The following COL28A1 variants were observed in gnomAD, a reference collection of about 807,000 sequenced individuals.
COL28A1 encodes the protein collagen alpha-1(XXVIII) chain.
COL28A1 carries 161 observed loss-of-function variants against 150.2 expected under a neutral mutation model. The observed-to-expected ratio is 1.07, with a 90% CI of 0.94 to 1.22. COL28A1 has a LOEUF of 1.22. Ranked by LOEUF, COL28A1 falls within the 50% of genes most tolerant of loss-of-function variation. COL28A1 has a pLI of 0.00. For missense variants in COL28A1, 1,617 were observed against 1,388.3 expected (o/e 1.16, Z -2.62); for synonymous variants, 552 against 469.7 (o/e 1.18, Z -2.26).
rs1286219586 is a variant in COL28A1, at chr7:7,502,861, C to A, written c.1026+3153G>T. Reference sequence around the variant, plus strand: ...TACAGGCGCCCGCTACCACGCCCGGCTAATTTTTTGTATTTTTAGTAGAGA... The same window carrying A: ...TACAGGCGCCCGCTACCACGCCCGGATAATTTTTTGTATTTTTAGTAGAGA... On this transcript the variant is annotated intron_variant, in intron 11 of 34. Transcript: ENST00000399429. 2.1e-5 allele frequency among the ~76,000 whole-genome samples: 2 copies of A among 97,394 alleles called. 1 individual carries two copies. Among genetic ancestry groups the A allele is most frequent in the African/African-American group, 1.6e-4 (2 of 12,304 alleles). The allele number at this position is 97,394 out of a possible 152,430, so 63.9% of individuals were successfully genotyped here.
chr7:7,440,963 T>C, intron 20 of COL28A1, 102 bp from the exon 21 acceptor site: 1 of 648,650 alleles, frequency 1.5e-6, no homozygotes, highest in East Asian at 2.7e-5. Flanking sequence ...CTAATACCAA[T>C]TTTAAAGTGG....
chr7:7,388,403 T>C (rs923743005), intron 27 of COL28A1, among the ~76,000 whole-genome samples: 1 of 152,126 alleles, frequency 6.6e-6, no homozygotes, highest in Non-Finnish European at 1.5e-5. Flanking sequence ...CTTTATCCAG[T>C]CCATCATTAA....
intron 33 of COL28A1, among the ~76,000 whole-genome samples, chr7:7,363,644 T>C (rs1780783552): frequency 6.6e-6 from 1 of 152,196 alleles, no homozygotes; most frequent in South Asian, 2.1e-4. Context: ...GGTATATTTT[T>C]CCCTAGTCTT....
At chr7:7,388,347 CTTTT>C (rs1419294415) in intron 27 of COL28A1, among the ~76,000 whole-genome samples, 1 of 152,030 alleles carries the variant, frequency 6.6e-6, no homozygotes, top group South Asian at 2.1e-4. Context: ...TGAACTCATC[CTTTT>C]TTATGGCTGC....
At chr7:7,448,109 G>A (rs1369411182) in intron 18 of COL28A1, among the ~76,000 whole-genome samples, 2 of 152,110 alleles carry the variant, frequency 1.3e-5, no homozygotes, top group Non-Finnish European at 2.9e-5. Context: ...GAGTTCCTGA[G>A]GTGAGGAATT....
At chr7:7,445,652 A>C (rs1786197296) in intron 18 of COL28A1, among the ~76,000 whole-genome samples, 1 of 152,196 alleles carries the variant, frequency 6.6e-6, no homozygotes, top group Non-Finnish European at 1.5e-5. Flanking sequence ...CAGGAAAAAA[A>C]TATGCTACTT....
At chr7:7,476,109 A>G (rs1788854376) in intron 14 of COL28A1, among the ~76,000 whole-genome samples, 1 of 152,234 alleles carries the variant, frequency 6.6e-6, no homozygotes, top group South Asian at 2.1e-4. Context: ...TGAGAAGGCC[A>G]TATCTTAGTC....
At chr7:7,356,315 A>T (rs753100038), downstream of COL28A1, 1 of 152,226 alleles carries the variant, frequency 6.6e-6, no homozygotes, top group African/African-American at 2.4e-5. Context: ...GCACATTGAC[A>T]TGGTAAATAC....
rs1196772667 is a variant in COL28A1 at position 7,531,341 on chromosome 7, T to C, written c.681+7A>G. On this transcript the variant is annotated splice_region_variant and intron_variant, in intron 3 of 34. Transcript: ENST00000399429. The stretch of plus-strand genomic sequence containing the variant: ...ATAACTGTATAATCAACCCATTAGG[T>C]ACCTACCAGACGATCTTGAATTTTA... 1 of 1,274,502 alleles carries C rather than the reference T, an allele frequency of 7.8e-7. No homozygotes were observed. The highest frequency in any genetic ancestry group is 1.4e-5 in the South Asian group (1 of 72,456). 78.9% of individuals were successfully genotyped at this position (1,274,502 alleles called of 1,614,324 possible).
At chr7:7,474,529 A>C (rs1458605983) in intron 15 of COL28A1, 72 bp downstream of exon 15, 2 of 793,794 alleles carry the variant, frequency 2.5e-6, no homozygotes, top group Non-Finnish European at 4.4e-6. Context: ...TACAGTTCAG[A>C]AATGTACATA....
chr7:7,514,506 C>T (rs1413669111), intron 8 of COL28A1, among the ~76,000 whole-genome samples: 1 of 152,136 alleles, frequency 6.6e-6, no homozygotes, highest in East Asian at 1.9e-4. Context: ...TCTAACATTG[C>T]CAGCGATTAG....
chr7:7,437,498 A>G (rs1336651457), intron 21 of COL28A1, 36 bp from the exon 22 acceptor site: 10 of 1,602,434 alleles, frequency 6.2e-6, no homozygotes, highest in Admixed American at 1.7e-5. Flanking sequence ...CATTTCAAGC[A>G]GAGAAAGCAC....
chr7:7,490,986 TG>T (rs1318210789), intron 11 of COL28A1, among the ~76,000 whole-genome samples: 2 of 152,198 alleles, frequency 1.3e-5, no homozygotes, highest in Admixed American at 1.3e-4. Context: ...TTTTTTAATG[TG>T]TTTATGGAGG....
intron 3 of COL28A1, among the ~76,000 whole-genome samples, chr7:7,530,053 A>G (rs139041403): frequency 6.6e-6 from 1 of 152,350 alleles, no homozygotes; most frequent in East Asian, 1.9e-4. Context: ...GGCTGCTACC[A>G]AACTGTTTCA....
intron 33 of COL28A1, among the ~76,000 whole-genome samples, chr7:7,370,421 G>A (rs1490395074): frequency 6.6e-6 from 1 of 152,166 alleles, no homozygotes; most frequent in African/African-American, 2.4e-5. Context: ...AATTCAGAGT[G>A]TTGTGTTAAT....
chr7:7,351,695 A>G (rs7803643), downstream of COL28A1, among the ~76,000 whole-genome samples: 39,245 of 152,116 alleles, frequency 0.26, 9,834 homozygotes, highest in African/African-American at 0.66. Flanking sequence ...TGATGAGTAC[A>G]TATAGACATT....
intron 11 of COL28A1, among the ~76,000 whole-genome samples, chr7:7,501,958 C>A (rs1780554509): frequency 6.6e-6 from 1 of 152,098 alleles, no homozygotes; most frequent in South Asian, 2.1e-4. Context: ...TGCAGTGGTG[C>A]AATCTTGGCT....
intron 15 of COL28A1, among the ~76,000 whole-genome samples, chr7:7,473,030 G>C (rs1788561026): frequency 6.6e-6 from 1 of 152,156 alleles, no homozygotes; most frequent in Non-Finnish European, 1.5e-5. Flanking sequence ...ATCAGCTCAA[G>C]ATGGATCAAG....
intron 23 of COL28A1, among the ~76,000 whole-genome samples, chr7:7,434,946 C>T (rs1345351481): frequency 1.3e-5 from 2 of 152,142 alleles, no homozygotes; most frequent in Non-Finnish European, 2.9e-5. Flanking sequence ...TGAAGTATTA[C>T]ATAAAATGAA....
Sources: gnomAD v4.1 joint callset for allele counts (sites outside exome capture counted in the v4.1 genomes callset) on GRCh38, gnomAD v4.1.1 for gene constraint, MANE v1.5 for transcripts, NCBI Gene and HGNC (gene_info 2026-07-23, HGNC 2026-07-21) for gene names.